CSMD1: variants seen among roughly 807,000 people sequenced by gnomAD.
CSMD1 encodes the protein CUB and sushi domain-containing protein 1.
In CSMD1, 213 loss-of-function variants were observed where a neutral mutation model predicts 417.5. That is an observed-to-expected ratio of 0.51 (90% CI 0.46 to 0.57). CSMD1 has a LOEUF of 0.57. Ranked by LOEUF, CSMD1 falls within the 20% of genes least tolerant of loss-of-function variation. The pLI is 0.00. For missense variants in CSMD1, 6,923 were observed against 4,529.7 expected, an observed-to-expected ratio of 1.53 and a Z score of -15.17; for synonymous variants, 2,862 against 1,736.8, an observed-to-expected ratio of 1.65 and a Z score of -16.11.
At chr8:4,846,927 C>T (rs1801179998) in intron 1 of CSMD1, among the ~76,000 whole-genome samples, 1 of 151,974 alleles carries the variant, frequency 6.6e-6, no homozygotes, top group South Asian at 2.1e-4. Flanking sequence ...GCTTCTAAAA[C>T]AGGCTATTCA....
At chr8:3,965,360 A>G (rs1389354087) in intron 5 of CSMD1, among the ~76,000 whole-genome samples, 1 of 152,198 alleles carries the variant, frequency 6.6e-6, no homozygotes, top group Non-Finnish European at 1.5e-5. Flanking sequence ...AATGTTTTGA[A>G]GAGTTTGTGT....
At chr8:3,720,742 T>C (rs545406333) in intron 6 of CSMD1, among the ~76,000 whole-genome samples, 6 of 152,266 alleles carry the variant, frequency 3.9e-5, no homozygotes, top group South Asian at 4.1e-4. Context: ...AGATTCATTT[T>C]ACAGAGCAAA....
At chr8:4,203,184 TC>T (rs1799765151) in intron 3 of CSMD1, among the ~76,000 whole-genome samples, 1 of 152,134 alleles carries the variant, frequency 6.6e-6, no homozygotes, top group Non-Finnish European at 1.5e-5. Flanking sequence ...TAAAAAATCG[TC>T]AGTGAGATGC....
At chr8:4,805,655 C>T (rs1228266866) in intron 1 of CSMD1, among the ~76,000 whole-genome samples, 1 of 152,178 alleles carries the variant, frequency 6.6e-6, no homozygotes, top group African/African-American at 2.4e-5. Flanking sequence ...TCTTTAAACA[C>T]ATAAATTATT....
intron 2 of CSMD1, among the ~76,000 whole-genome samples, chr8:4,599,328 G>A (rs901588573): frequency 6.6e-6 from 1 of 151,862 alleles, no homozygotes; most frequent in Non-Finnish European, 1.5e-5. Flanking sequence ...CAACTAGACA[G>A]ACTTAACCCC....
chr8:4,789,094 T>C (rs1039415528), intron 1 of CSMD1, among the ~76,000 whole-genome samples: 5 of 152,206 alleles, frequency 3.3e-5, no homozygotes, highest in South Asian at 4.1e-4. Flanking sequence ...CCAGAAAAGG[T>C]AATCATGAGA....
intron 52 of CSMD1, among the ~76,000 whole-genome samples, chr8:3,001,182 G>T (rs1409063254): frequency 3.9e-5 from 6 of 151,958 alleles, no homozygotes. Flanking sequence ...TTTTAGTAGA[G>T]ATGGGGTCTC....
At chr8:4,757,317 A>G (rs916923828) in intron 1 of CSMD1, among the ~76,000 whole-genome samples, 1 of 152,216 alleles carries the variant, frequency 6.6e-6, no homozygotes, top group Non-Finnish European at 1.5e-5. Flanking sequence ...TAACCTGGCT[A>G]TCATGTCTTG....
intron 12 of CSMD1, among the ~76,000 whole-genome samples, chr8:3,440,390 T>C (rs557045868): frequency 6.6e-6 from 1 of 152,292 alleles, no homozygotes; most frequent in African/African-American, 2.4e-5. Flanking sequence ...TTTCCACATA[T>C]TACATTGTTT....
intron 5 of CSMD1, among the ~76,000 whole-genome samples, chr8:3,905,390 A>G (rs1464845001): frequency 3.3e-5 from 5 of 152,204 alleles, no homozygotes; most frequent in Admixed American, 3.3e-4. Flanking sequence ...GTAACTGTAA[A>G]TACTGGTAAG....
intron 10 of CSMD1, among the ~76,000 whole-genome samples, chr8:3,540,656 A>G (rs1244955081): frequency 6.6e-6 from 1 of 152,196 alleles, no homozygotes; most frequent in African/African-American, 2.4e-5. Context: ...TAATATCCAG[A>G]ATCTACAAGG....
At chr8:3,330,248 T>C (rs1045600667) in intron 23 of CSMD1, among the ~76,000 whole-genome samples, 14 of 152,240 alleles carry the variant, frequency 9.2e-5, no homozygotes, top group Admixed American at 8.5e-4. Context: ...ACAACTTGCC[T>C]ATACTCAGAG....
At chr8:3,490,983 G>A (rs536557263) in intron 11 of CSMD1, among the ~76,000 whole-genome samples, 74 of 152,246 alleles carry the variant, frequency 4.9e-4, no homozygotes, top group Admixed American at 1.3e-3. Flanking sequence ...ATTTTCAGGG[G>A]GGATAATTGG....
intron 10 of CSMD1, among the ~76,000 whole-genome samples, chr8:3,563,442 T>TAAAA (rs60108067): frequency 7.3e-4 from 46 of 62,770 alleles, no homozygotes; most frequent in African/African-American, 2.2e-3. Context: ...TATTAAAAGG[T>TAAAA]AAAAAAAAAA....
chr8:4,610,633 T>C (rs998237770), intron 2 of CSMD1, among the ~76,000 whole-genome samples: 1 of 152,224 alleles, frequency 6.6e-6, no homozygotes, highest in African/African-American at 2.4e-5. Context: ...CACTTAGAAA[T>C]ACCTGATTAT....
intron 2 of CSMD1, among the ~76,000 whole-genome samples, chr8:4,557,525 A>G (rs1382807080): frequency 2.0e-5 from 3 of 152,138 alleles, no homozygotes; most frequent in Non-Finnish European, 2.9e-5. Context: ...GAGAAATAAA[A>G]TACATCTTTA....
chr8:3,469,010 T>C (rs1816936932), intron 11 of CSMD1, 186 bp from the exon 12 acceptor site: 7 of 451,708 alleles, frequency 1.5e-5, no homozygotes. Flanking sequence ...TCACTGGTGC[T>C]TTACAGAAAT....
At chr8:3,697,301 C>T (rs1019217667) in intron 7 of CSMD1, among the ~76,000 whole-genome samples, 5 of 152,160 alleles carry the variant, frequency 3.3e-5, no homozygotes, top group African/African-American at 4.8e-5. Context: ...AAAACATTTT[C>T]GGTTTTCTCC....
intron 32 of CSMD1, among the ~76,000 whole-genome samples, chr8:3,200,416 G>A (rs552496925): frequency 3.3e-5 from 5 of 151,826 alleles, no homozygotes; most frequent in African/African-American, 4.8e-5. Flanking sequence ...TTAGCCAGGC[G>A]TGGTGGTGCA....
Sources: gnomAD v4.1 joint callset for allele counts (sites outside exome capture counted in the v4.1 genomes callset) on GRCh38, gnomAD v4.1.1 for gene constraint, MANE v1.5 for transcripts, NCBI Gene and HGNC (gene_info 2026-07-23, HGNC 2026-07-21) for gene names.